UTRN: variants seen among roughly 807,000 people sequenced by gnomAD.
The protein encoded by UTRN is dystrophin-related protein 1.
UTRN carries 283 observed loss-of-function variants against 463.9 expected under a neutral mutation model. The ratio of observed to expected loss-of-function variants is 0.61; its 90% CI spans 0.55 to 0.67. The LOEUF (loss-of-function observed/expected upper bound fraction) is 0.67, where lower values mean the gene tolerates loss of function less well. Among genes scored for constraint, UTRN ranks in the 30% least tolerant of loss-of-function variants. The pLI is 0.00. For missense variants in UTRN, 3,922 were observed against 4,084.3 expected, an observed-to-expected ratio of 0.96 and a Z score of 1.08; for synonymous variants, 1,442 against 1,431.5, an observed-to-expected ratio of 1.01 and a Z score of -0.17.
At chr6:144,313,425 A>G (rs926629369) in intron 2 of UTRN, among the ~76,000 whole-genome samples, 1 of 152,146 alleles carries the variant, frequency 6.6e-6, no homozygotes, top group Non-Finnish European at 1.5e-5. Flanking sequence ...CTTTGATCAC[A>G]ATTTCATGGG....
At chr6:144,613,029 A>G (rs1323782782) in intron 51 of UTRN, among the ~76,000 whole-genome samples, 1 of 152,120 alleles carries the variant, frequency 6.6e-6, no homozygotes, top group African/African-American at 2.4e-5. Flanking sequence ...ATCCTTTACA[A>G]ATGGTGTAAA....
chr6:144,732,261 C>CACACACATATATATAT (rs1788713785), intron 54 of UTRN, among the ~76,000 whole-genome samples: 2 of 122,664 alleles, frequency 1.6e-5, no homozygotes, highest in Admixed American at 1.8e-4. Context: ...TATATATACA[C>CACACACATATATATAT]ACATATATAT....
chr6:144,600,769 T>A (rs79295761), intron 51 of UTRN, among the ~76,000 whole-genome samples: 1,812 of 152,370 alleles, frequency 0.012, 45 homozygotes, highest in African/African-American at 0.041. Flanking sequence ...ATTTTCAATG[T>A]AGATGAAACA....
intron 52 of UTRN, among the ~76,000 whole-genome samples, chr6:144,687,089 A>G (rs1194270523): frequency 2.6e-5 from 4 of 152,138 alleles, no homozygotes; most frequent in Admixed American, 2.6e-4. Context: ...ATTGACTTGC[A>G]TATGTTGAAA....
chr6:144,402,583 A>G (rs1783022083), intron 2 of UTRN, among the ~76,000 whole-genome samples: 1 of 152,202 alleles, frequency 6.6e-6, no homozygotes, highest in Non-Finnish European at 1.5e-5. Flanking sequence ...GATCAAGATC[A>G]TTAAAACCTC....
Position 144,612,431 on chromosome 6 carries a change from A to G in UTRN, c.7479+35143A>G, listed in dbSNP as rs546699351. ...TCAAAGTGGAGAGATAACCTACAGA[A>G]GGGGAGAGAATATTTGCAAACCGTA... On this transcript the variant is annotated intron_variant, in intron 51 of 74. Transcript: ENST00000367545. 5.3e-5 allele frequency among the ~76,000 whole-genome samples: 8 copies of G among 152,246 alleles called. 1 individual carries two copies. The South Asian group carries it at 1.2e-3, about 24-fold the overall frequency.
In UTRN at chr6:144,354,708, C is replaced by T. The variant is rs139336550; in HGVS notation, c.80-48415C>T. ...TCCTATGGTCGGTCAAGGACACCTT[C>T]TCTAGGAATTCTCTGCTGACTTCCA... On this transcript the variant is annotated intron_variant, in intron 2 of 74. Coordinates refer to ENST00000367545, the MANE Select transcript of UTRN (RefSeq NM_007124.3). Among the ~76,000 whole-genome samples, 801 of 152,260 alleles carry T rather than the reference C, an allele frequency of 5.3e-3. 4 individuals carry two copies. The highest frequency in any genetic ancestry group is 9.2e-3 in the Non-Finnish European group (628 of 68,020).
At chr6:144,634,959 G>A (rs1239823402) in intron 51 of UTRN, among the ~76,000 whole-genome samples, 3 of 152,072 alleles carry the variant, frequency 2.0e-5, no homozygotes, top group South Asian at 2.1e-4. Flanking sequence ...TGGCTATTCC[G>A]AATAATGCTG....
intron 36 of UTRN, 96 bp downstream of exon 36, chr6:144,514,133 C>A: frequency 4.0e-6 from 6 of 1,484,500 alleles, no homozygotes; most frequent in Non-Finnish European, 5.5e-6. Flanking sequence ...AGCTCTCATT[C>A]CTCCCAAGCA....
intron 66 of UTRN, 92 bp downstream of exon 66, chr6:144,821,110 C>A (rs1779561090): frequency 1.4e-6 from 2 of 1,411,496 alleles, no homozygotes; most frequent in Non-Finnish European, 1.9e-6. Flanking sequence ...TTGTTTAATA[C>A]CAACTGCATT....
At chr6:144,491,170 G>C in intron 32 of UTRN, 68 bp downstream of exon 32, 1 of 1,476,130 alleles carries the variant, frequency 6.8e-7, no homozygotes, top group East Asian at 2.3e-5. Context: ...GGTCTAGCAA[G>C]TACATGCCTA....
At chr6:144,329,367 C>T (rs1776188309) in intron 2 of UTRN, among the ~76,000 whole-genome samples, 1 of 152,162 alleles carries the variant, frequency 6.6e-6, no homozygotes, top group South Asian at 2.1e-4. Context: ...AGATATGAGG[C>T]ACCGCACCCA....
At chr6:144,599,929 T>C (rs1804063460) in intron 51 of UTRN, among the ~76,000 whole-genome samples, 1 of 152,224 alleles carries the variant, frequency 6.6e-6, no homozygotes, top group South Asian at 2.1e-4. Context: ...ATGTACTTTG[T>C]GTCTCTGTGT....
chr6:144,510,949 T>A lies in UTRN; in HGVS notation c.4770T>A (p.Val1590=). The change falls in exon 35 of 75, where the codon GTT becomes GTA. Residue 1590 remains valine (V), a synonymous_variant. Transcript: ENST00000367545. ...LDTEISWAKN[V]LKDLEKRKAD... ...TTGGTGTTTTTATTTTCTAGAATGT[T>A]CTGAAGGATCTGGAAAAGAGAAAAG... is the stretch of plus-strand genomic sequence containing the variant. 1 of 1,589,922 alleles carries A rather than the reference T, an allele frequency of 6.3e-7. No individual in the cohort carries two copies. The highest frequency in any genetic ancestry group is 8.6e-7 in the Non-Finnish European group (1 of 1,164,858).
At chr6:144,619,956 C>T (rs1775172505) in intron 51 of UTRN, among the ~76,000 whole-genome samples, 1 of 152,176 alleles carries the variant, frequency 6.6e-6, no homozygotes, top group Non-Finnish European at 1.5e-5. Context: ...ACCTGGAGTA[C>T]CACATCACAT....
chr6:144,526,819 A>G (rs989852039), intron 41 of UTRN, among the ~76,000 whole-genome samples: 7 of 143,270 alleles, frequency 4.9e-5, no homozygotes. Flanking sequence ...GTTGTTGTTG[A>G]CAGGTCTTCT....
chr6:144,416,357 C>T (rs1422111901), intron 3 of UTRN, among the ~76,000 whole-genome samples: 1 of 152,130 alleles, frequency 6.6e-6, no homozygotes, highest in Non-Finnish European at 1.5e-5. Context: ...TCCCATATGG[C>T]CACCCTTAGC....
chr6:144,669,751 C>G (rs1046377118), intron 51 of UTRN, among the ~76,000 whole-genome samples: 1 of 152,146 alleles, frequency 6.6e-6, no homozygotes, highest in Admixed American at 6.5e-5. Flanking sequence ...CACCCTTCCC[C>G]TGGAGCTCCC....
At chr6:144,640,066 G>A (rs2128660838) in intron 51 of UTRN, among the ~76,000 whole-genome samples, 1 of 151,962 alleles carries the variant, frequency 6.6e-6, no homozygotes, top group East Asian at 1.9e-4. Context: ...GAGAGATTGA[G>A]AGACAGAGAG....
Sources: allele counts gnomAD v4.1 joint callset (sites outside exome capture counted in the v4.1 genomes callset), GRCh38; gene constraint gnomAD v4.1.1; transcripts MANE v1.5; gene names NCBI Gene and HGNC (gene_info 2026-07-23, HGNC 2026-07-21).